The following LINGO2 variants were observed in gnomAD, a reference collection of about 807,000 sequenced individuals.
LINGO2 encodes leucine rich repeat and Ig domain containing 2, also known as leucine-rich repeat and immunoglobulin-like domain-containing nogo receptor-interacting protein 2.
In LINGO2, 14 loss-of-function variants were observed where a neutral mutation model predicts 30.6. That is an observed-to-expected ratio of 0.46 (90% confidence interval 0.30 to 0.72). The LOEUF (loss-of-function observed/expected upper bound fraction) is 0.72, where lower values mean the gene tolerates loss of function less well. Ranked by LOEUF, LINGO2 falls within the 30% of genes least tolerant of loss-of-function variation. LINGO2 has a pLI of 0.07. For missense variants in LINGO2, 729 were observed against 751.7 expected, an observed-to-expected ratio of 0.97 and a Z score of 0.35; for synonymous variants, 317 against 288.5, an observed-to-expected ratio of 1.10 and a Z score of -1.00.
chr9:28,560,111 T>C (rs868554012), intron 1 of LINGO2, among the ~76,000 whole-genome samples: 2 of 151,208 alleles, frequency 1.3e-5, no homozygotes, highest in Non-Finnish European at 2.9e-5. Flanking sequence ...AAATGAAAGA[T>C]GATCTGCTCA....
At chr9:28,216,866 A>C (rs1031482113) in intron 4 of LINGO2, among the ~76,000 whole-genome samples, 3 of 151,890 alleles carry the variant, frequency 2.0e-5, no homozygotes, top group Non-Finnish European at 4.4e-5. Flanking sequence ...CATCATATAA[A>C]AGAAAAAAGA....
At chr9:28,996,732 C>T in the LINGO2 span, among the ~76,000 whole-genome samples, 1 of 152,084 alleles carries the variant, frequency 6.6e-6, no homozygotes, top group Non-Finnish European at 1.5e-5. Context: ...TTTGTAATGA[C>T]CATGTTTTCT....
the LINGO2 span, among the ~76,000 whole-genome samples, chr9:28,793,269 G>A: frequency 1.4e-4 from 22 of 152,240 alleles, no homozygotes; most frequent in East Asian, 4.2e-3. Flanking sequence ...TTTGTTTTCT[G>A]TATTTTAATT....
chr9:28,311,660 A>C (rs902943486), intron 3 of LINGO2, among the ~76,000 whole-genome samples: 2 of 152,200 alleles, frequency 1.3e-5, no homozygotes, highest in African/African-American at 2.4e-5. Flanking sequence ...GTTTAAGGTT[A>C]TCTCTCTTGT....
At chr9:28,478,394 A>G (rs769694673) in intron 1 of LINGO2, among the ~76,000 whole-genome samples, 5 of 151,958 alleles carry the variant, frequency 3.3e-5, no homozygotes, top group Non-Finnish European at 5.9e-5. Context: ...TATGAGTTAC[A>G]TGGAGATTTA....
At chr9:28,677,646 AGCCCTG>A in the LINGO2 span, among the ~76,000 whole-genome samples, 720 of 152,278 alleles carry the variant, frequency 4.7e-3, 1 homozygote, top group Non-Finnish European at 8.0e-3. Flanking sequence ...TAATCCCTTG[AGCCCTG>A]GCCACCTGTG....
At chr9:29,072,034 G>A in the LINGO2 span, among the ~76,000 whole-genome samples, 2 of 152,078 alleles carry the variant, frequency 1.3e-5, no homozygotes, top group Non-Finnish European at 2.9e-5. Context: ...TTAAAATCAT[G>A]GATTCTGAAG....
At chr9:29,099,349 A>G in the LINGO2 span, among the ~76,000 whole-genome samples, 16 of 152,286 alleles carry the variant, frequency 1.1e-4, no homozygotes, top group Middle Eastern at 3.4e-3. Context: ...GACATCCCAC[A>G]GACACAGGCA....
chr9:27,939,644 G>T, the LINGO2 span: 5 of 152,204 alleles, frequency 3.3e-5, no homozygotes, highest in African/African-American at 1.2e-4. Context: ...GTGCAGGTTT[G>T]AAGAAGTGTT....
chr9:27,951,204 T>C (rs1258367019), intron 5 of LINGO2, among the ~76,000 whole-genome samples: 1 of 152,212 alleles, frequency 6.6e-6, no homozygotes, highest in Non-Finnish European at 1.5e-5. Flanking sequence ...AGGTGCAACA[T>C]ACAAAACAAA....
intron 4 of LINGO2, among the ~76,000 whole-genome samples, chr9:28,126,481 G>A (rs1448108428): frequency 6.6e-6 from 1 of 152,166 alleles, no homozygotes; most frequent in African/African-American, 2.4e-5. Flanking sequence ...ACGAACTGAT[G>A]TTGCTGTCCC....
intron 5 of LINGO2, among the ~76,000 whole-genome samples, chr9:27,962,322 T>C (rs1323137814): frequency 6.6e-6 from 1 of 152,072 alleles, no homozygotes; most frequent in Non-Finnish European, 1.5e-5. Flanking sequence ...TCAATAGTGG[T>C]TAAGAGAAAG....
At chr9:28,393,969 G>C (rs1436682220) in intron 2 of LINGO2, among the ~76,000 whole-genome samples, 3 of 151,582 alleles carry the variant, frequency 2.0e-5, no homozygotes, top group Admixed American at 6.6e-5. Flanking sequence ...TTACTGAATG[G>C]TAAGTTGGTT....
intron 1 of LINGO2, among the ~76,000 whole-genome samples, chr9:28,534,436 T>C (rs568501226): frequency 5.9e-5 from 9 of 152,308 alleles, no homozygotes; most frequent in African/African-American, 1.9e-4. Flanking sequence ...CAGGAGTACA[T>C]TTGGATCCTC....
At chr9:28,633,338 G>T (rs1007396472) in intron 1 of LINGO2, among the ~76,000 whole-genome samples, 2 of 152,036 alleles carry the variant, frequency 1.3e-5, no homozygotes, top group African/African-American at 4.8e-5. Context: ...TTATTCCAGA[G>T]AATACCTTTT....
chr9:28,379,882 G>T (rs959322407), intron 2 of LINGO2, among the ~76,000 whole-genome samples: 1 of 152,074 alleles, frequency 6.6e-6, no homozygotes, highest in African/African-American at 2.4e-5. Context: ...GGCATGCAAG[G>T]TTCTGGAACA....
intron 1 of LINGO2, among the ~76,000 whole-genome samples, chr9:28,667,702 C>T (rs1490494192): frequency 1.3e-5 from 2 of 152,110 alleles, no homozygotes; most frequent in Non-Finnish European, 2.9e-5. Context: ...CGAGATTGTG[C>T]CACTGCACTC....
intron 4 of LINGO2, among the ~76,000 whole-genome samples, chr9:28,103,577 A>G (rs1826479684): frequency 6.6e-6 from 1 of 152,192 alleles, no homozygotes; most frequent in Non-Finnish European, 1.5e-5. Context: ...CAAGAAGCAG[A>G]ACTGCCACAC....
intron 4 of LINGO2, among the ~76,000 whole-genome samples, chr9:28,269,241 G>C (rs1207235340): frequency 1.3e-5 from 2 of 152,020 alleles, no homozygotes; most frequent in Admixed American, 1.3e-4. Context: ...TTAACTGATA[G>C]GTCCCAGAGG....
Sources: allele counts gnomAD v4.1 joint callset (sites outside exome capture counted in the v4.1 genomes callset), GRCh38; gene constraint gnomAD v4.1.1; transcripts MANE v1.5; gene names NCBI Gene and HGNC (gene_info 2026-07-23, HGNC 2026-07-21).